The following ABCA4 variants were observed in gnomAD, a reference collection of about 807,000 sequenced individuals.
ABCA4 encodes retinal-specific phospholipid-transporting ATPase ABCA4.
ABCA4 carries 196 observed loss-of-function variants against 263.7 expected under a neutral mutation model. The ratio of observed to expected loss-of-function variants is 0.74; its 90% CI spans 0.66 to 0.84. The LOEUF is 0.84. ABCA4 is among the 40% of genes least tolerant of loss of function. The probability of loss-of-function intolerance (pLI) is 0.00; values close to 1 mark genes in which losing one functional copy is unlikely to be tolerated. For synonymous variants in ABCA4, 1,133 were observed against 1,094.2 expected (o/e 1.04, Z -0.70); for missense variants, 2,792 against 2,855.1 (o/e 0.98, Z 0.50).
chr1:94,093,207 G>A (rs1337092709), intron 6 of ABCA4, among the ~76,000 whole-genome samples: 2 of 152,170 alleles, frequency 1.3e-5, no homozygotes, highest in Admixed American at 6.5e-5. Flanking sequence ...GGTGTATATT[G>A]AGACCGCTTA....
At chr1:94,063,479 A>C (rs1661185168) in intron 11 of ABCA4, among the ~76,000 whole-genome samples, 162 bp from the exon 12 acceptor site, 1 of 152,218 alleles carries the variant, frequency 6.6e-6, no homozygotes, top group African/African-American at 2.4e-5. Context: ...GTCTGGTGTT[A>C]ATTTTTCAAC....
intron 11 of ABCA4, among the ~76,000 whole-genome samples, chr1:94,066,786 T>G (rs1661280050): frequency 1.3e-5 from 2 of 152,226 alleles, no homozygotes; most frequent in African/African-American, 2.4e-5. Context: ...AAGAAGATCT[T>G]CTGCTCCAGA....
intron 41 of ABCA4, 108 bp from the exon 42 acceptor site, chr1:94,008,405 G>C: frequency 8.8e-7 from 1 of 1,135,592 alleles, no homozygotes; most frequent in Non-Finnish European, 1.3e-6. Flanking sequence ...ACCAGCACTA[G>C]GAGGTTACAT....
chr1:94,002,138 T>G (rs1659207755), intron 44 of ABCA4, 146 bp from the exon 45 acceptor site: 1 of 1,277,670 alleles, frequency 7.8e-7, no homozygotes, highest in Non-Finnish European at 1.1e-6. Flanking sequence ...GCTCCTGTCC[T>G]CTGGCATGTG....
At chr1:94,013,936 T>C (rs1487398948) in intron 38 of ABCA4, among the ~76,000 whole-genome samples, 1 of 152,002 alleles carries the variant, frequency 6.6e-6, no homozygotes, top group Admixed American at 6.6e-5. Flanking sequence ...ACTGCATGAG[T>C]GGGAAACAGG....
intron 31 of ABCA4, 60 bp from the exon 32 acceptor site, chr1:94,023,478 T>C (rs373062861): frequency 7.2e-7 from 1 of 1,385,380 alleles, no homozygotes. Flanking sequence ...CCGTTAACTT[T>C]CTTTCCCAAA....
intron 6 of ABCA4, among the ~76,000 whole-genome samples, chr1:94,091,020 C>T (rs1661953509): frequency 6.6e-6 from 1 of 151,842 alleles, no homozygotes; most frequent in Non-Finnish European, 1.5e-5. Flanking sequence ...AAGGGGAGGG[C>T]CCAGGAATTC....
At chr1:94,006,250 C>T (rs1381152613) in intron 43 of ABCA4, among the ~76,000 whole-genome samples, 1 of 151,394 alleles carries the variant, frequency 6.6e-6, no homozygotes. Context: ...GAGACCATTA[C>T]AGTTCCCCAC....
chr1:94,104,575 C>A (rs1662372059), intron 4 of ABCA4, among the ~76,000 whole-genome samples: 1 of 152,164 alleles, frequency 6.6e-6, no homozygotes, highest in Non-Finnish European at 1.5e-5. Flanking sequence ...TTGCGCCAAC[C>A]CCACAGGCCT....
chr1:94,030,319 A>G, intron 29 of ABCA4, 109 bp downstream of exon 29: 1 of 925,204 alleles, frequency 1.1e-6, no homozygotes, highest in Non-Finnish European at 1.7e-6. Context: ...GGAAGTGACC[A>G]GCAGAGCAGG....
intron 4 of ABCA4, among the ~76,000 whole-genome samples, chr1:94,108,073 C>T (rs1662491461): frequency 6.6e-6 from 1 of 152,202 alleles, no homozygotes; most frequent in South Asian, 2.1e-4. Context: ...TCCACTTGCT[C>T]TGCCTCGGGG....
intron 22 of ABCA4, among the ~76,000 whole-genome samples, chr1:94,041,661 T>A (rs553594427): frequency 1.6e-4 from 24 of 152,320 alleles, no homozygotes; most frequent in Non-Finnish European, 3.1e-4. Flanking sequence ...TTCAAATAAA[T>A]CTCTATATTA....
chr1:94,025,288 TC>T (rs533342387), intron 30 of ABCA4, among the ~76,000 whole-genome samples: 2 of 152,080 alleles, frequency 1.3e-5, no homozygotes, highest in Non-Finnish European at 2.9e-5. Context: ...AAATCTCCAA[TC>T]CATCTGCGTT....
chr1:94,021,113 A>G (rs552246818), intron 35 of ABCA4, 127 bp downstream of exon 35: 13 of 1,332,936 alleles, frequency 9.8e-6, no homozygotes, highest in African/African-American at 1.4e-5. Context: ...TCGGATGTTC[A>G]TATGTGCCTG....
intron 6 of ABCA4, among the ~76,000 whole-genome samples, chr1:94,085,447 T>C (rs1160633577): frequency 6.6e-6 from 1 of 152,236 alleles, no homozygotes; most frequent in East Asian, 1.9e-4. Context: ...AAGTATCCTA[T>C]CTGTTTTGTT....
intron 17 of ABCA4, among the ~76,000 whole-genome samples, chr1:94,049,411 G>A (rs1182344614): frequency 6.6e-6 from 1 of 152,152 alleles, no homozygotes; most frequent in African/African-American, 2.4e-5. Context: ...GTATCATGAG[G>A]TCAGGAGTTC....
At position 93,993,148 on chromosome 1, in the gene ABCA4, T is replaced by C. The variant is rs1557755850; in HGVS notation, c.*89A>G. The C allele has an allele frequency of 4.5e-6, 7 of 1,545,102 alleles. No individual in the cohort carries two copies. The highest frequency in any genetic ancestry group is 4.5e-6 in the Non-Finnish European group (5 of 1,118,622). On this transcript the variant is annotated 3_prime_UTR_variant, in exon 50 of 50. Coordinates refer to ENST00000370225, the MANE Select transcript of ABCA4 (RefSeq NM_000350.3). ...CAGTGGGGTCATTTACGCTGGCCAGTCCATTTGGATGACCATATGGGCACA... is the reference window on the plus strand; with the variant it reads ...CAGTGGGGTCATTTACGCTGGCCAGCCCATTTGGATGACCATATGGGCACA...
At chr1:94,098,204 G>C (rs543339518) in intron 6 of ABCA4, among the ~76,000 whole-genome samples, 12 of 152,254 alleles carry the variant, frequency 7.9e-5, no homozygotes, top group African/African-American at 2.6e-4. Context: ...TAGAACAAAG[G>C]GTTGAGCTAG....
intron 26 of ABCA4, among the ~76,000 whole-genome samples, chr1:94,035,853 C>A (rs113419843): frequency 1.3e-5 from 2 of 152,196 alleles, no homozygotes; most frequent in African/African-American, 2.4e-5. Context: ...CTCACACATG[C>A]TTTGTGTGGC....
Sources: gnomAD v4.1 joint callset for allele counts (sites outside exome capture counted in the v4.1 genomes callset) on GRCh38, gnomAD v4.1.1 for gene constraint, MANE v1.5 for transcripts, NCBI Gene and HGNC (gene_info 2026-07-23, HGNC 2026-07-21) for gene names.